Variants in SIPA1L1 observed in about 807,000 individuals in gnomAD.
SIPA1L1 encodes the protein signal induced proliferation associated 1 like 1, also known as signal-induced proliferation-associated 1-like protein 1.
In SIPA1L1, 26 loss-of-function variants were observed where a neutral mutation model predicts 162.7. The ratio of observed to expected loss-of-function variants is 0.16; its 90% confidence interval spans 0.12 to 0.22. The LOEUF is 0.22. SIPA1L1 is among the 10% of genes least tolerant of loss of function. The pLI is 1.00. For synonymous variants in SIPA1L1, 829 were observed against 837.4 expected, an observed-to-expected ratio of 0.99 and a Z score of 0.17; for missense variants, 1,874 against 2,241.0, an observed-to-expected ratio of 0.84 and a Z score of 3.31.
intron 2 of SIPA1L1, among the ~76,000 whole-genome samples, chr14:71,386,173 A>G (rs1215428563): frequency 2.0e-5 from 3 of 152,202 alleles, no homozygotes; most frequent in Non-Finnish European, 1.5e-5. Context: ...TGTATATATA[A>G]AGGGGAGTTT....
chr14:71,414,408 AC>A (rs1405043692), intron 2 of SIPA1L1, among the ~76,000 whole-genome samples: 1 of 152,054 alleles, frequency 6.6e-6, no homozygotes, highest in African/African-American at 2.4e-5. Flanking sequence ...AAAAACAAAA[AC>A]AAAAAACCCT....
At chr14:71,598,417 A>G (rs2036299647) in intron 5 of SIPA1L1, 1 of 164,766 alleles carries the variant, frequency 6.1e-6, no homozygotes, top group African/African-American at 2.4e-5. Flanking sequence ...GCCTTACCTA[A>G]GTGAATCAAG....
intron 2 of SIPA1L1, among the ~76,000 whole-genome samples, chr14:71,351,920 C>T (rs1221014182): frequency 1.3e-5 from 2 of 151,080 alleles, no homozygotes; most frequent in African/African-American, 4.9e-5. Flanking sequence ...ATGGAACTCA[C>T]AGGTTAGTGG....
intron 5 of SIPA1L1, among the ~76,000 whole-genome samples, chr14:71,615,176 G>A (rs1310007413): frequency 6.6e-6 from 1 of 152,196 alleles, no homozygotes; most frequent in African/African-American, 2.4e-5. Context: ...GTTATGGAAA[G>A]AATGTTCTCA....
chr14:71,645,226 T>G (rs374668349), intron 7 of SIPA1L1, among the ~76,000 whole-genome samples: 1 of 152,228 alleles, frequency 6.6e-6, no homozygotes, highest in East Asian at 1.9e-4. Context: ...TGTCTTCCTC[T>G]TCCACTTTTA....
chr14:71,449,784 T>G (rs953595741), intron 2 of SIPA1L1, among the ~76,000 whole-genome samples: 4 of 152,202 alleles, frequency 2.6e-5, no homozygotes, highest in Non-Finnish European at 5.9e-5. Context: ...TAGTGCCAGT[T>G]TTCTGCTACT....
chr14:71,590,763 C>T (rs1228170761), intron 5 of SIPA1L1, among the ~76,000 whole-genome samples: 1 of 152,156 alleles, frequency 6.6e-6, no homozygotes, highest in African/African-American at 2.4e-5. Flanking sequence ...CTTTAAGGTA[C>T]AAGGTTTCTC....
intron 12 of SIPA1L1, among the ~76,000 whole-genome samples, chr14:71,678,262 A>C (rs577300155): frequency 6.6e-6 from 1 of 152,222 alleles, no homozygotes; most frequent in Non-Finnish European, 1.5e-5. Flanking sequence ...ATTCAGTATG[A>C]TAATGGCTAT....
chr14:71,678,284 A>G lies in SIPA1L1; in HGVS notation c.3104+5662A>G, dbSNP rs139314789. Among the ~76,000 whole-genome samples, 13 of 152,328 alleles carry G rather than the reference A, an allele frequency of 8.5e-5. No homozygotes were observed. In the East Asian group the frequency reaches 2.5e-3, roughly 29 times the overall value. On this transcript the variant is annotated intron_variant, in intron 12 of 23. Coordinates refer to ENST00000381232, the MANE Select transcript of SIPA1L1 (RefSeq NM_001386936.1). Reference sequence around the variant, plus strand: ...ATGATAATGGCTATGGGTTTGTCATAAATAGCTCTTATTATTTTGAGATAA... The same window carrying G: ...ATGATAATGGCTATGGGTTTGTCATGAATAGCTCTTATTATTTTGAGATAA...
chr14:71,667,521 G>A (rs947375082), intron 10 of SIPA1L1, among the ~76,000 whole-genome samples: 1 of 152,242 alleles, frequency 6.6e-6, no homozygotes, highest in African/African-American at 2.4e-5. Flanking sequence ...ATTAGAAATC[G>A]AGAGAATGAT....
In SIPA1L1 at chr14:71,659,059, A is replaced by G. The variant is rs187627925; in HGVS notation, c.2097+623A>G. 4.5e-3 allele frequency among the ~76,000 whole-genome samples: 688 copies of G among 152,364 alleles called. 4 individuals are homozygous for G. The highest frequency in any genetic ancestry group is 7.1e-3 in the Non-Finnish European group (480 of 68,030). On this transcript the variant is annotated intron_variant, in intron 9 of 23. Coordinates refer to ENST00000381232, the MANE Select transcript of SIPA1L1 (RefSeq NM_001386936.1). ...AAACTAAGAGGTGACAGATTGTTAC[A>G]GAGCAAACTGGAAACTGGCACTATT... is the stretch of plus-strand genomic sequence containing the variant.
Position 71,723,836 on chromosome 14 carries a change from G to C in SIPA1L1, c.4398G>C (p.Trp1466Cys). Reference protein sequence around the residue: ...QGATSKYLIGWKKPEGTINSV... With the variant: ...QGATSKYLIGCKKPEGTINSV... ...CTACTAGCAAGTACCTGATTGGATG[G>C]AAAAAACCCGAAGGAACCATAAACT... Residue 1466 changes from tryptophan to cysteine, a missense_variant, in exon 18 of 24, where the codon TGG (tryptophan) becomes TGC (cysteine). Transcript: ENST00000381232. 6.2e-7 allele frequency: 1 copy of C among 1,614,102 alleles called. No individual in the cohort carries two copies. The highest frequency in any genetic ancestry group is 8.5e-7 in the Non-Finnish European group (1 of 1,180,028).
intron 5 of SIPA1L1, among the ~76,000 whole-genome samples, chr14:71,589,902 C>T (rs1218997099): frequency 6.6e-6 from 1 of 150,548 alleles, no homozygotes; most frequent in Non-Finnish European, 1.5e-5. Flanking sequence ...AGTCACAGAG[C>T]CAATAAGTCT....
intron 13 of SIPA1L1, among the ~76,000 whole-genome samples, chr14:71,687,266 C>CTCTTTCCTTA (rs1265759301): frequency 2.6e-5 from 4 of 152,222 alleles, no homozygotes; most frequent in Non-Finnish European, 5.9e-5. Flanking sequence ...CTGGACTCCT[C>CTCTTTCCTTA]TCTTTCCTTA....
intron 7 of SIPA1L1, among the ~76,000 whole-genome samples, chr14:71,633,714 G>C (rs945943931): frequency 6.6e-6 from 1 of 152,104 alleles, no homozygotes; most frequent in African/African-American, 2.4e-5. Flanking sequence ...TGTCCCCAGA[G>C]ACAAAATGGA....
intron 2 of SIPA1L1, among the ~76,000 whole-genome samples, chr14:71,408,049 T>C (rs1249536863): frequency 1.3e-5 from 2 of 152,218 alleles, no homozygotes; most frequent in Non-Finnish European, 2.9e-5. Flanking sequence ...CCAGGTGATG[T>C]GAGTTGTTAT....
intron 4 of SIPA1L1, among the ~76,000 whole-genome samples, chr14:71,535,320 G>A (rs575228803): frequency 6.6e-6 from 1 of 152,300 alleles, no homozygotes; most frequent in Admixed American, 6.5e-5. Context: ...CCTGTTGAAG[G>A]AGTAACTGCC....
intron 4 of SIPA1L1, among the ~76,000 whole-genome samples, chr14:71,567,595 G>A (rs1180791488): frequency 1.3e-5 from 2 of 151,272 alleles, no homozygotes; most frequent in African/African-American, 4.9e-5. Context: ...CTAAACAAGG[G>A]TCAGATTATT....
intron 14 of SIPA1L1, 87 bp downstream of exon 14, chr14:71,699,214 C>A: frequency 7.9e-7 from 1 of 1,272,356 alleles, no homozygotes; most frequent in South Asian, 1.3e-5. Context: ...GACTTCCATT[C>A]AGCCAGCCTT....
Sources: allele counts gnomAD v4.1 joint callset (sites outside exome capture counted in the v4.1 genomes callset), GRCh38; gene constraint gnomAD v4.1.1; transcripts MANE v1.5; gene names NCBI Gene and HGNC (gene_info 2026-07-23, HGNC 2026-07-21).